DOK6: variants seen among roughly 807,000 people sequenced by gnomAD.
DOK6 encodes the protein docking protein 6.
A neutral mutation model predicts 44.0 loss-of-function variants in DOK6; 22 were observed. That is an observed-to-expected ratio of 0.50 (90% CI 0.36 to 0.71). The LOEUF (loss-of-function observed/expected upper bound fraction) is 0.71, where lower values mean the gene tolerates loss of function less well. Ranked by LOEUF, DOK6 falls within the 30% of genes least tolerant of loss-of-function variation. The pLI is 0.00. For synonymous variants in DOK6, 166 were observed against 145.5 expected (o/e 1.14, Z -1.01); for missense variants, 340 against 416.4 (o/e 0.82, Z 1.60).
intron 1 of DOK6, among the ~76,000 whole-genome samples, chr18:69,486,283 T>C (rs1253384020): frequency 6.6e-6 from 1 of 152,142 alleles, no homozygotes; most frequent in Non-Finnish European, 1.5e-5. Flanking sequence ...ATCAAGCTGT[T>C]GAAAAAATTA....
At chr18:69,817,119 C>T (rs903541222) in intron 7 of DOK6, among the ~76,000 whole-genome samples, 4 of 152,080 alleles carry the variant, frequency 2.6e-5, no homozygotes, top group South Asian at 4.1e-4. Flanking sequence ...TTTAGTTCCT[C>T]GAGTATGGAG....
At chr18:69,794,071 C>G (rs754455233) in intron 7 of DOK6, among the ~76,000 whole-genome samples, 1 of 152,126 alleles carries the variant, frequency 6.6e-6, no homozygotes, top group Non-Finnish European at 1.5e-5. Flanking sequence ...GACTGCTCTC[C>G]CAACACCCTG....
At chr18:69,678,044 T>C (rs547149006) in intron 4 of DOK6, among the ~76,000 whole-genome samples, 191 bp downstream of exon 4, 2 of 152,136 alleles carry the variant, frequency 1.3e-5, no homozygotes, top group East Asian at 1.9e-4. Context: ...AGGCTAGGAG[T>C]TCGAGACCAG....
chr18:69,647,764 T>C (rs1288646487), intron 3 of DOK6, among the ~76,000 whole-genome samples: 5 of 152,226 alleles, frequency 3.3e-5, no homozygotes, highest in African/African-American at 1.2e-4. Flanking sequence ...CTACTTAAAG[T>C]CTTTTCTGAA....
rs1985471107 is a variant in DOK6 at position 69,659,864 on chromosome 18, AT to A, written c.290-17869del. ...ATATATGTATGTTATATATATATAT[AT>A]AAAACATATATGTATGTTTTATATA... On this transcript the variant is annotated intron_variant, in intron 3 of 7. Coordinates refer to ENST00000382713, the MANE Select transcript of DOK6 (RefSeq NM_152721.6). The A allele has an allele frequency of 2.9e-4, 7 of 24,072 alleles. 1 individual carries two copies. The highest frequency in any genetic ancestry group is 9.1e-4 in the East Asian group (2 of 2,206). 1.5% of individuals were successfully genotyped at this position (24,072 alleles called of 1,614,324 possible).
intron 1 of DOK6, among the ~76,000 whole-genome samples, chr18:69,501,760 T>A (rs1420760400): frequency 1.3e-5 from 2 of 152,202 alleles, no homozygotes; most frequent in East Asian, 3.8e-4. Flanking sequence ...TGATTCATTT[T>A]TTAAATTTCC....
At chr18:69,739,235 C>T (rs1257737200) in intron 6 of DOK6, 132 bp downstream of exon 6, 11 of 1,163,296 alleles carry the variant, frequency 9.5e-6, no homozygotes, top group Non-Finnish European at 1.3e-5. Context: ...GAGGGCTTAC[C>T]CTACCCTCTC....
intron 1 of DOK6, among the ~76,000 whole-genome samples, chr18:69,476,295 T>C (rs1458739808): frequency 6.6e-6 from 1 of 152,222 alleles, no homozygotes; most frequent in Non-Finnish European, 1.5e-5. Flanking sequence ...TACAGATATA[T>C]GTGAATTTTT....
intron 3 of DOK6, among the ~76,000 whole-genome samples, chr18:69,635,196 TAGAAAGTGTAGGG>T (rs1821678196): frequency 1.3e-5 from 2 of 152,096 alleles, no homozygotes; most frequent in Non-Finnish European, 2.9e-5. Context: ...CATGGACAAC[TAGAAAGTGTAGGG>T]ATGTTAACGA....
chr18:69,422,781 A>G (rs1808413529), intron 1 of DOK6, among the ~76,000 whole-genome samples: 1 of 152,332 alleles, frequency 6.6e-6, no homozygotes, highest in South Asian at 2.1e-4. Flanking sequence ...TTTGGTTTGA[A>G]ACATAATTAT....
chr18:69,819,741 C>T (rs1981512051), intron 7 of DOK6, among the ~76,000 whole-genome samples: 1 of 152,076 alleles, frequency 6.6e-6, no homozygotes, highest in African/African-American at 2.4e-5. Context: ...TTTTAGATAC[C>T]TCATATAAGT....
intron 3 of DOK6, chr18:69,663,267 ATCT>A (rs1156470837): frequency 6.6e-6 from 1 of 152,166 alleles, no homozygotes; most frequent in African/African-American, 2.4e-5. Context: ...TTATTTTAAG[ATCT>A]TCTAAAAAGG....
intron 4 of DOK6, among the ~76,000 whole-genome samples, chr18:69,696,256 G>A (rs1986387197): frequency 6.6e-6 from 1 of 152,142 alleles, no homozygotes; most frequent in African/African-American, 2.4e-5. Flanking sequence ...CAGTGAAAAT[G>A]TGATGGTCCT....
At chr18:69,802,970 C>G (rs1026274581) in intron 7 of DOK6, among the ~76,000 whole-genome samples, 8 of 152,006 alleles carry the variant, frequency 5.3e-5, no homozygotes, top group Admixed American at 5.2e-4. Context: ...AAGAAACTAT[C>G]TCCTTTAGCT....
intron 2 of DOK6, among the ~76,000 whole-genome samples, chr18:69,592,237 CTTTTTTT>C (rs922865517): frequency 1.6e-5 from 2 of 127,962 alleles, no homozygotes; most frequent in Admixed American, 8.1e-5. Flanking sequence ...TTTCTTTTTT[CTTTTTTT>C]TTTTTAAACT....
At chr18:69,575,262 G>A (rs1398717060) in intron 2 of DOK6, among the ~76,000 whole-genome samples, 1 of 152,030 alleles carries the variant, frequency 6.6e-6, no homozygotes, top group Non-Finnish European at 1.5e-5. Flanking sequence ...GTTTTCACTG[G>A]TAAAGAAAAA....
At chr18:69,828,665 T>C (rs1453866464) in intron 7 of DOK6, among the ~76,000 whole-genome samples, 1 of 151,312 alleles carries the variant, frequency 6.6e-6, no homozygotes, top group Non-Finnish European at 1.5e-5. Context: ...ATTCACTATA[T>C]TTTAGTGTTT....
chr18:69,433,465 A>G (rs1371995064), intron 1 of DOK6, among the ~76,000 whole-genome samples: 2 of 152,346 alleles, frequency 1.3e-5, no homozygotes, highest in Admixed American at 6.5e-5. Flanking sequence ...TAAGTAAACT[A>G]TAATGTAATA....
intron 1 of DOK6, among the ~76,000 whole-genome samples, chr18:69,553,262 A>G (rs550519584): frequency 1.3e-5 from 2 of 152,356 alleles, no homozygotes; most frequent in Middle Eastern, 6.8e-3. Context: ...TGAAATCCGT[A>G]ACAGTTGTGC....
Sources: gnomAD v4.1 joint callset for allele counts (sites outside exome capture counted in the v4.1 genomes callset) on GRCh38, gnomAD v4.1.1 for gene constraint, MANE v1.5 for transcripts, NCBI Gene and HGNC (gene_info 2026-07-23, HGNC 2026-07-21) for gene names.